The following CIDEC variants were observed in gnomAD, a reference collection of about 807,000 sequenced individuals.
The protein encoded by CIDEC is cell death inducing DFFA like effector c, also known as lipid transferase CIDEC.
In CIDEC, 11 loss-of-function variants were observed where a neutral mutation model predicts 21.9. The ratio of observed to expected loss-of-function variants is 0.50; its 90% confidence interval spans 0.32 to 0.83. The LOEUF is 0.83. CIDEC is among the 40% of genes least tolerant of loss of function. The probability of loss-of-function intolerance (pLI) is 0.04; values close to 1 mark genes in which losing one functional copy is unlikely to be tolerated. For missense variants in CIDEC, 302 were observed against 302.3 expected (o/e 1.00, Z 0.01); for synonymous variants, 127 against 124.9 (o/e 1.02, Z -0.11).
chr3:9,878,768 G>A, intron 2 of CIDEC, 174 bp downstream of exon 2: 1 of 1,536,132 alleles, frequency 6.5e-7, no homozygotes, highest in South Asian at 1.2e-5. Flanking sequence ...TCCTGCCCCA[G>A]TCCCACTCAC....
chr3:9,867,540 A>C (rs1406156727), intron 6 of CIDEC, among the ~76,000 whole-genome samples: 1 of 152,202 alleles, frequency 6.6e-6, no homozygotes, highest in Non-Finnish European at 1.5e-5. Flanking sequence ...GAATCGCTTG[A>C]ACCCAGGAGG....
chr3:9,872,599 T>A (rs2082363380), intron 4 of CIDEC, among the ~76,000 whole-genome samples: 1 of 152,226 alleles, frequency 6.6e-6, no homozygotes, highest in Non-Finnish European at 1.5e-5. Flanking sequence ...CTATATATTC[T>A]TGATATTAGA....
chr3:9,869,705 C>T (rs142474524), intron 6 of CIDEC, among the ~76,000 whole-genome samples, 177 bp downstream of exon 6: 5 of 152,308 alleles, frequency 3.3e-5, no homozygotes, highest in Admixed American at 2.0e-4. Context: ...GGGCACACGC[C>T]GGTGTCGTCC....
chr3:9,867,555 G>C (rs2082289704), intron 6 of CIDEC, among the ~76,000 whole-genome samples: 1 of 152,242 alleles, frequency 6.6e-6, no homozygotes. Flanking sequence ...AGGAGGCGGA[G>C]GTCACAGTGA....
chr3:9,878,890 C>A lies in CIDEC; in HGVS notation c.-26+52G>T. On this transcript the variant is annotated intron_variant, in intron 2 of 6. Transcript: ENST00000336832. ...CCATGGGGACAGAGTCCACTTTACGCTGGCAGGAGGTGAGTCACACCACCT... is the reference window on the plus strand; with the variant it reads ...CCATGGGGACAGAGTCCACTTTACGATGGCAGGAGGTGAGTCACACCACCT... 7 of 1,399,466 alleles carry A rather than the reference C, an allele frequency of 5.0e-6. 1 individual carries two copies. In the South Asian group the frequency reaches 6.2e-5, roughly 12 times the overall value. The allele number at this position is 1,399,466 out of a possible 1,614,324, so 86.7% of individuals were successfully genotyped here.
At chr3:9,867,433 A>G in intron 6 of CIDEC, 137 bp from the exon 7 acceptor site, 1 of 814,070 alleles carries the variant, frequency 1.2e-6, no homozygotes, top group South Asian at 1.5e-5. Context: ...TAGCATGGCC[A>G]ACATGGCGAA....
chr3:9,877,648 A>G (rs541154500), intron 3 of CIDEC, among the ~76,000 whole-genome samples: 1 of 152,252 alleles, frequency 6.6e-6, no homozygotes, highest in East Asian at 1.9e-4. Context: ...CAACAGAGGG[A>G]GACCTCGACT....
rs1484401398 is a variant in CIDEC at position 9,867,012 on chromosome 3, G to T, written c.*122C>A. ...TCCTCCTCCTCACTCAGGGTCCTGCGCGGTGAGGGAGGTGTGGGGAGGTTC... is the reference window on the plus strand; with the variant it reads ...TCCTCCTCCTCACTCAGGGTCCTGCTCGGTGAGGGAGGTGTGGGGAGGTTC... On this transcript the variant is annotated 3_prime_UTR_variant, in exon 7 of 7. Coordinates refer to ENST00000336832, the MANE Select transcript of CIDEC (RefSeq NM_001321142.2). 5 of 1,066,586 alleles carry T rather than the reference G, an allele frequency of 4.7e-6. No homozygotes were observed. Among genetic ancestry groups the T allele is most frequent in the East Asian group, 4.7e-5 (2 of 42,424 alleles). 66.1% of individuals were successfully genotyped at this position (1,066,586 alleles called of 1,614,324 possible). A position where few individuals can be genotyped will look rare whatever the true frequency, so the allele number is the denominator to read the frequency against.
At chr3:9,867,394 C>T (rs1217955504) in intron 6 of CIDEC, 98 bp from the exon 7 acceptor site, 10 of 1,299,998 alleles carry the variant, frequency 7.7e-6, no homozygotes, top group East Asian at 2.5e-5. Flanking sequence ...CCATGGAGGG[C>T]GGGTAACCTG....
chr3:9,878,984 C>T lies in CIDEC; in HGVS notation c.-68G>A, dbSNP rs1361649323. 4 of 657,804 alleles carry T rather than the reference C, an allele frequency of 6.1e-6. No individual in the cohort carries two copies. In the East Asian group the frequency reaches 1.1e-4, roughly 18 times the overall value. 40.7% of individuals were successfully genotyped at this position (657,804 alleles called of 1,614,324 possible). A position where few individuals can be genotyped will look rare whatever the true frequency, so the allele number is the denominator to read the frequency against. On this transcript the variant is annotated 5_prime_UTR_variant, in exon 2 of 7. Coordinates refer to ENST00000336832, the MANE Select transcript of CIDEC (RefSeq NM_001321142.2). The stretch of plus-strand genomic sequence containing the variant: ...CACAGGCAGGCAGCCCAGTCAAAGC[C>T]TCCTCTCTCCCATGGGTCCTTGAGC...
intron 4 of CIDEC, among the ~76,000 whole-genome samples, chr3:9,874,916 A>G (rs1206762227): frequency 2.6e-5 from 4 of 151,980 alleles, no homozygotes; most frequent in African/African-American, 9.7e-5. Flanking sequence ...TTATTTTTGT[A>G]TAGACGGGGT....
chr3:9,873,121 C>T (rs1299502975), intron 4 of CIDEC, among the ~76,000 whole-genome samples: 1 of 151,678 alleles, frequency 6.6e-6, no homozygotes, highest in African/African-American at 2.4e-5. Context: ...TCCCTTTGGT[C>T]GCTCTGCTTT....
intron 6 of CIDEC, among the ~76,000 whole-genome samples, chr3:9,869,152 T>C (rs1575446648): frequency 6.6e-6 from 1 of 152,180 alleles, no homozygotes; most frequent in African/African-American, 2.4e-5. Flanking sequence ...TTCCTGGACC[T>C]GTATATATGT....
At chr3:9,879,698 C>A (rs894265122) in intron 1 of CIDEC, among the ~76,000 whole-genome samples, 1 of 152,066 alleles carries the variant, frequency 6.6e-6, no homozygotes, top group Non-Finnish European at 1.5e-5. Context: ...TGATCCAGGA[C>A]GAAATTTTTG....
intron 6 of CIDEC, among the ~76,000 whole-genome samples, chr3:9,867,765 TAAAAAATAC>T (rs1375069941): frequency 6.6e-6 from 1 of 151,912 alleles, no homozygotes; most frequent in Admixed American, 6.6e-5. Context: ...CCGTCTCTAC[TAAAAAATAC>T]AAAAAATTAG....
chr3:9,867,358 G>A (rs1401942656), intron 6 of CIDEC, 62 bp from the exon 7 acceptor site: 9 of 1,572,578 alleles, frequency 5.7e-6, no homozygotes, highest in Non-Finnish European at 7.8e-6. Context: ...TGGCGTTCAC[G>A]CCTGTAATCC....
At chr3:9,868,056 T>C (rs1391239523) in intron 6 of CIDEC, among the ~76,000 whole-genome samples, 3 of 152,220 alleles carry the variant, frequency 2.0e-5, no homozygotes, top group Non-Finnish European at 4.4e-5. Context: ...AACATTTGAA[T>C]ACCACTGAGG....
intron 4 of CIDEC, among the ~76,000 whole-genome samples, chr3:9,871,480 A>G (rs574050952): frequency 6.7e-6 from 1 of 150,160 alleles, no homozygotes; most frequent in South Asian, 2.1e-4. Context: ...AGCCACCACA[A>G]TGGGCCTATG....
At chr3:9,875,390 A>AG (rs1317457021) in intron 4 of CIDEC, among the ~76,000 whole-genome samples, 38 of 151,862 alleles carry the variant, frequency 2.5e-4, no homozygotes, top group Non-Finnish European at 4.1e-4. Flanking sequence ...AAAAAAAAAA[A>AG]AAAGAAAAAA....
Sources: gnomAD v4.1 joint callset for allele counts (sites outside exome capture counted in the v4.1 genomes callset) on GRCh38, gnomAD v4.1.1 for gene constraint, MANE v1.5 for transcripts, NCBI Gene and HGNC (gene_info 2026-07-23, HGNC 2026-07-21) for gene names.